Variants in UNC5C observed in about 807,000 individuals in gnomAD.
UNC5C encodes the protein unc-5 netrin receptor C.
UNC5C carries 47 observed loss-of-function variants against 99.8 expected under a neutral mutation model. The ratio of observed to expected loss-of-function variants is 0.47; its 90% CI spans 0.37 to 0.60. The LOEUF is 0.60. Among genes scored for constraint, UNC5C ranks in the 20% least tolerant of loss-of-function variants. The pLI is 0.00. For missense variants in UNC5C, 1,062 were observed against 1,165.9 expected, an observed-to-expected ratio of 0.91 and a Z score of 1.30; for synonymous variants, 487 against 452.2, an observed-to-expected ratio of 1.08 and a Z score of -0.98.
At chr4:95,410,641 T>C (rs1289169106) in intron 1 of UNC5C, among the ~76,000 whole-genome samples, 2 of 152,140 alleles carry the variant, frequency 1.3e-5, no homozygotes, top group Non-Finnish European at 2.9e-5. Flanking sequence ...TGTTAGGGGA[T>C]GCAGCGTTTA....
chr4:95,295,167 C>T (rs1012497244), intron 3 of UNC5C, among the ~76,000 whole-genome samples: 7 of 152,130 alleles, frequency 4.6e-5, no homozygotes, highest in Non-Finnish European at 1.0e-4. Context: ...TTGCCTGAAC[C>T]TTAAGCTTTG....
chr4:95,398,043 G>GTTTTTTTTTTTTTTTTT (rs1745570466), intron 1 of UNC5C, among the ~76,000 whole-genome samples: 3 of 76,950 alleles, frequency 3.9e-5, no homozygotes, highest in African/African-American at 1.9e-4. Context: ...GCCAAATGTA[G>GTTTTTTTTTTTTTTTTT]CTTTTTTTTT....
intron 1 of UNC5C, among the ~76,000 whole-genome samples, chr4:95,370,621 T>A (rs1242647120): frequency 6.6e-6 from 1 of 152,234 alleles, no homozygotes; most frequent in Non-Finnish European, 1.5e-5. Flanking sequence ...AATTGTTGTT[T>A]TGTTTTGTTA....
rs78640726 is a variant in UNC5C, at chr4:95,231,254, A to G, written c.1109-11078T>C. ...CTTGCCTTTGAGGTTTACTCATTACATTTCAATATGGAGCTGCTTCTATGA... is the reference window on the plus strand; with the variant it reads ...CTTGCCTTTGAGGTTTACTCATTACGTTTCAATATGGAGCTGCTTCTATGA... On this transcript the variant is annotated intron_variant, in intron 7 of 15. Coordinates refer to ENST00000453304, the MANE Select transcript of UNC5C (RefSeq NM_003728.4). Among the ~76,000 whole-genome samples, 471 of 152,190 alleles carry G rather than the reference A, an allele frequency of 3.1e-3. 1 individual carries two copies. Among genetic ancestry groups the G allele is most frequent in the African/African-American group, 9.9e-3 (410 of 41,512 alleles).
intron 4 of UNC5C, among the ~76,000 whole-genome samples, chr4:95,251,603 T>C (rs1739734664): frequency 6.6e-6 from 1 of 152,198 alleles, no homozygotes; most frequent in African/African-American, 2.4e-5. Context: ...GTTTTTTCCA[T>C]AAAGCAAAAC....
At chr4:95,536,925 C>T (rs1722796129) in intron 1 of UNC5C, among the ~76,000 whole-genome samples, 1 of 152,104 alleles carries the variant, frequency 6.6e-6, no homozygotes, top group African/African-American at 2.4e-5. Flanking sequence ...TCAAAATAAG[C>T]TTTTACAATG....
chr4:95,365,528 C>T (rs1358162441), intron 1 of UNC5C, among the ~76,000 whole-genome samples: 1 of 150,940 alleles, frequency 6.6e-6, no homozygotes, highest in Non-Finnish European at 1.5e-5. Flanking sequence ...TTTGCTATTA[C>T]AATAATACCC....
At chr4:95,366,275 G>A (rs1219214556) in intron 1 of UNC5C, among the ~76,000 whole-genome samples, 1 of 152,116 alleles carries the variant, frequency 6.6e-6, no homozygotes, top group Non-Finnish European at 1.5e-5. Context: ...ACAAGCCTGG[G>A]CAATGTAGTG....
rs917746787 is a variant in UNC5C at position 95,481,840 on chromosome 4, T to C, written c.124+66894A>G. On this transcript the variant is annotated intron_variant, in intron 1 of 15. Transcript: ENST00000453304. ...GCTGAAAGTGGATCCCTTCCTTACATCTTATACAAAAATTAATTCAAGATG... is the reference window on the plus strand; with the variant it reads ...GCTGAAAGTGGATCCCTTCCTTACACCTTATACAAAAATTAATTCAAGATG... Among the ~76,000 whole-genome samples the C allele has an allele frequency of 9.2e-5, 14 of 151,932 alleles. No homozygotes were observed. The East Asian group carries it at 1.2e-3, about 13-fold the overall frequency.
intron 1 of UNC5C, among the ~76,000 whole-genome samples, chr4:95,530,467 A>G (rs921844481): frequency 3.3e-5 from 5 of 152,204 alleles, no homozygotes; most frequent in African/African-American, 9.7e-5. Flanking sequence ...AAAGAAAAAT[A>G]AAATTCTTCA....
chr4:95,277,254 GA>G (rs1392772428), intron 4 of UNC5C, among the ~76,000 whole-genome samples: 1 of 152,142 alleles, frequency 6.6e-6, no homozygotes, highest in Non-Finnish European at 1.5e-5. Flanking sequence ...TGCAACAACT[GA>G]AATATGCCTC....
chr4:95,479,205 T>G (rs1213712023), intron 1 of UNC5C, among the ~76,000 whole-genome samples: 1 of 152,054 alleles, frequency 6.6e-6, no homozygotes, highest in Non-Finnish European at 1.5e-5. Flanking sequence ...TATAAAGAGT[T>G]ATATGAATTT....
intron 1 of UNC5C, among the ~76,000 whole-genome samples, chr4:95,387,696 C>A (rs1040882022): frequency 2.0e-5 from 3 of 152,178 alleles, no homozygotes; most frequent in African/African-American, 7.2e-5. Context: ...GTGCAAAAAA[C>A]AAAGTAAGAT....
intron 1 of UNC5C, among the ~76,000 whole-genome samples, chr4:95,445,699 T>C (rs1029407334): frequency 2.0e-5 from 3 of 152,170 alleles, no homozygotes; most frequent in Non-Finnish European, 4.4e-5. Context: ...CTCAAGTTAC[T>C]GCGAAACAAA....
chr4:95,539,810 G>C (rs1173999307), intron 1 of UNC5C, among the ~76,000 whole-genome samples: 1 of 151,872 alleles, frequency 6.6e-6, no homozygotes, highest in Non-Finnish European at 1.5e-5. Context: ...ATAAAAAATG[G>C]CATGTGTATC....
intron 4 of UNC5C, among the ~76,000 whole-genome samples, chr4:95,256,890 G>A (rs576056813): frequency 2.0e-5 from 3 of 151,898 alleles, no homozygotes; most frequent in Admixed American, 6.6e-5. Context: ...GCTGCTGAGG[G>A]AGAAAGATGT....
At chr4:95,283,262 C>T (rs1420832037) in intron 3 of UNC5C, among the ~76,000 whole-genome samples, 2 of 152,190 alleles carry the variant, frequency 1.3e-5, no homozygotes, top group African/African-American at 4.8e-5. Context: ...GCATCTACTT[C>T]CAGAGACAGG....
chr4:95,208,816 C>T (rs1011343596), intron 10 of UNC5C, among the ~76,000 whole-genome samples: 2 of 152,162 alleles, frequency 1.3e-5, no homozygotes, highest in Non-Finnish European at 2.9e-5. Context: ...TTGCAATGGT[C>T]ACTTGAAATG....
chr4:95,385,918 G>A (rs6830878), intron 1 of UNC5C, among the ~76,000 whole-genome samples: 85,681 of 151,962 alleles, frequency 0.56, 24,397 homozygotes, highest in East Asian at 0.7. Flanking sequence ...TACATAAAAT[G>A]AAACCTAAAA....
Sources: allele counts gnomAD v4.1 joint callset (sites outside exome capture counted in the v4.1 genomes callset), GRCh38; gene constraint gnomAD v4.1.1; transcripts MANE v1.5; gene names NCBI Gene and HGNC (gene_info 2026-07-23, HGNC 2026-07-21).